The following RABEP1 variants were observed in gnomAD, a reference collection of about 807,000 sequenced individuals.
RABEP1 encodes the protein rabaptin, RAB GTPase binding effector protein 1.
In RABEP1, 51 loss-of-function variants were observed where a neutral mutation model predicts 123.4. That is an observed-to-expected ratio of 0.41 (90% CI 0.33 to 0.52). The LOEUF (loss-of-function observed/expected upper bound fraction) is 0.52, where lower values mean the gene tolerates loss of function less well. Among genes scored for constraint, RABEP1 ranks in the 20% least tolerant of loss-of-function variants. The probability of loss-of-function intolerance (pLI) is 0.16; values close to 1 mark genes in which losing one functional copy is unlikely to be tolerated. For missense variants in RABEP1, 888 were observed against 996.3 expected (o/e 0.89, Z 1.46); for synonymous variants, 347 against 355.2 (o/e 0.98, Z 0.26).
At chr17:5,315,884 C>T (rs2075290493) in intron 2 of RABEP1, among the ~76,000 whole-genome samples, 1 of 151,850 alleles carries the variant, frequency 6.6e-6, no homozygotes, top group Non-Finnish European at 1.5e-5. Flanking sequence ...GTAGTAAATT[C>T]ATACCTTGAC....
chr17:5,373,850 A>G (rs1484094184), intron 13 of RABEP1, among the ~76,000 whole-genome samples: 1 of 152,122 alleles, frequency 6.6e-6, no homozygotes, highest in Non-Finnish European at 1.5e-5. Context: ...GGACTTTCCT[A>G]TGAATAGAAT....
At position 5,385,719 on chromosome 17, in the gene RABEP1, T is replaced by G. The variant is rs2144753328; in HGVS notation, c.*2496T>G. On this transcript the variant is annotated 3_prime_UTR_variant, in exon 18 of 18. Transcript: ENST00000537505. ...CAATTGTGGATCTTGAGCTCTGCTC[T>G]CAGCAGATTTCAGGTGTAACCATTT... 1 of 231,098 alleles carries G rather than the reference T, an allele frequency of 4.3e-6. No homozygotes were observed. The highest frequency in any genetic ancestry group is 1.8e-4 in the South Asian group (1 of 5,496). 14.3% of individuals were successfully genotyped at this position (231,098 alleles called of 1,614,324 possible).
chr17:5,350,322 G>T, intron 6 of RABEP1, 129 bp from the exon 7 acceptor site: 1 of 966,948 alleles, frequency 1.0e-6, no homozygotes. Flanking sequence ...AGAGCTTGCA[G>T]TGAGCCAAGA....
chr17:5,329,015 A>C (rs1401400345), intron 2 of RABEP1, among the ~76,000 whole-genome samples: 3 of 140,234 alleles, frequency 2.1e-5, no homozygotes, highest in Non-Finnish European at 3.0e-5. Context: ...AATATTCAGA[A>C]AGACTTTTTT....
chr17:5,327,254 A>G (rs1016259259), intron 2 of RABEP1, among the ~76,000 whole-genome samples: 1 of 151,678 alleles, frequency 6.6e-6, no homozygotes, highest in East Asian at 1.9e-4. Context: ...AGACTGAGGC[A>G]GGAGAATCGC....
At position 5,383,666 on chromosome 17, in the gene RABEP1, G is replaced by A. The variant is rs1057052627; in HGVS notation, c.*443G>A. On this transcript the variant is annotated 3_prime_UTR_variant, in exon 18 of 18. Transcript: ENST00000537505. ...AACAGTATTCAGTTAGCAGACAGAA[G>A]TGTAGTATGCTGTATGAATATTTTA... 3.8e-5 allele frequency: 9 copies of A among 238,642 alleles called. No homozygotes were observed. The highest frequency in any genetic ancestry group is 7.4e-5 in the Non-Finnish European group (9 of 120,996). The allele number at this position is 238,642 out of a possible 1,614,324, so 14.8% of individuals were successfully genotyped here.
intron 1 of RABEP1, 24 bp from the exon 2 acceptor site, chr17:5,308,670 T>G (rs1299371828): frequency 6.3e-7 from 1 of 1,597,840 alleles, no homozygotes; most frequent in African/African-American, 1.3e-5. Flanking sequence ...TTATTACTTG[T>G]TAACTAGTGT....
chr17:5,361,667 C>G lies in RABEP1; in HGVS notation c.1555C>G (p.Gln519Glu). 1 of 1,601,170 alleles carries G rather than the reference C, an allele frequency of 6.2e-7. No individual in the cohort carries two copies. Among genetic ancestry groups the G allele is most frequent in the South Asian group, 1.1e-5 (1 of 89,010 alleles). ...LVSETEWNLL[Q>E]KEVHNAGNKL... ...TAGTGAAACAGAATGGAATCTCTTG[C>G]AGAAAGAGGTGAGTTACCTTTCTCA... Residue 519 changes from glutamine to glutamate, a missense_variant, in exon 9 of 18, where the codon CAG becomes GAG. Coordinates refer to ENST00000537505, the MANE Select transcript of RABEP1 (RefSeq NM_004703.6).
chr17:5,309,654 C>CA lies in RABEP1; in HGVS notation c.163+848dup, dbSNP rs111398404. On this transcript the variant is annotated intron_variant, in intron 2 of 17. Coordinates refer to ENST00000537505, the MANE Select transcript of RABEP1 (RefSeq NM_004703.6). ...GGCGACAAGAGTGAAACTCCCATCT[C>CA]AAAAAAAAAAAAAAAAGAAAAAGAA... 8.3e-3 allele frequency among the ~76,000 whole-genome samples: 562 copies of CA among 68,054 alleles called. 3 individuals are homozygous for CA. Among genetic ancestry groups the CA allele is most frequent in the Middle Eastern group, 0.02 (2 of 100 alleles). 44.6% of individuals were successfully genotyped at this position (68,054 alleles called of 152,430 possible). A position where few individuals can be genotyped will look rare whatever the true frequency, so the allele number is the denominator to read the frequency against.
intron 14 of RABEP1, among the ~76,000 whole-genome samples, chr17:5,377,888 A>C (rs1911133174): frequency 6.6e-6 from 1 of 152,108 alleles, no homozygotes; most frequent in Non-Finnish European, 1.5e-5. Flanking sequence ...TAGGATTCTC[A>C]GTACTTGAAC....
chr17:5,287,723 C>A (rs989695859), intron 1 of RABEP1, among the ~76,000 whole-genome samples: 2 of 151,622 alleles, frequency 1.3e-5, no homozygotes, highest in Admixed American at 6.6e-5. Flanking sequence ...AGTTTGAGAC[C>A]AGCCTGGGCA....
intron 9 of RABEP1, 136 bp downstream of exon 9, chr17:5,361,811 G>T: frequency 1.4e-6 from 1 of 698,744 alleles, no homozygotes; most frequent in Non-Finnish European, 2.4e-6. Context: ...ATATTAACGT[G>T]TGTCACCTGA....
Position 5,354,440 on chromosome 17 carries a change from G to C in RABEP1, c.1045G>C (p.Val349Leu), listed in dbSNP as rs370910672. ...TGAGGAAGAAATAAAAATACCAGTAGTGTGTGCTTTAACTCAAGAAGAATC... is the reference window on the plus strand; with the variant it reads ...TGAGGAAGAAATAAAAATACCAGTACTGTGTGCTTTAACTCAAGAAGAATC... ...DVEEEIKIPV[V>L]CALTQEESSA... Residue 349 changes from valine to leucine, a missense_variant, in exon 8 of 18, where the codon GTG becomes CTG. Transcript: ENST00000537505. 1.7e-5 allele frequency: 27 copies of C among 1,613,152 alleles called. 1 individual carries two copies. In the South Asian group the frequency reaches 2.5e-4, roughly 15 times the overall value.
intron 7 of RABEP1, among the ~76,000 whole-genome samples, chr17:5,353,210 T>C (rs1908717552): frequency 6.6e-6 from 1 of 152,174 alleles, no homozygotes; most frequent in South Asian, 2.1e-4. Flanking sequence ...GTTTCTGTCT[T>C]TTGTATGTGC....
At chr17:5,287,355 T>C (rs2144433557) in intron 1 of RABEP1, among the ~76,000 whole-genome samples, 1 of 152,224 alleles carries the variant, frequency 6.6e-6, no homozygotes, top group East Asian at 1.9e-4. Flanking sequence ...TCCCAGCACT[T>C]TGGGAGTCTG....
chr17:5,335,484 T>G, intron 4 of RABEP1, 140 bp downstream of exon 4: 1 of 699,078 alleles, frequency 1.4e-6, no homozygotes, highest in Non-Finnish European at 2.3e-6. Flanking sequence ...CTAAACATAG[T>G]ACTAAATAAT....
At chr17:5,361,039 T>C in intron 8 of RABEP1, 169 bp from the exon 9 acceptor site, 1 of 648,660 alleles carries the variant, frequency 1.5e-6, no homozygotes. Flanking sequence ...GGGCCTGGTT[T>C]TGTGTCCAGC....
intron 1 of RABEP1, among the ~76,000 whole-genome samples, chr17:5,302,177 G>C (rs1355511005): frequency 2.0e-5 from 3 of 151,884 alleles, no homozygotes; most frequent in Middle Eastern, 3.4e-3. Context: ...TAGAAAATCT[G>C]CTCTCATTCT....
At chr17:5,299,492 G>A (rs1249396650) in intron 1 of RABEP1, among the ~76,000 whole-genome samples, 1 of 151,536 alleles carries the variant, frequency 6.6e-6, no homozygotes, top group African/African-American at 2.4e-5. Flanking sequence ...TATTATGGAA[G>A]TTAGTTTTGG....
Sources: allele counts gnomAD v4.1 joint callset (sites outside exome capture counted in the v4.1 genomes callset), GRCh38; gene constraint gnomAD v4.1.1; transcripts MANE v1.5; gene names NCBI Gene and HGNC (gene_info 2026-07-23, HGNC 2026-07-21).